The following FOCAD variants were observed in gnomAD, a reference collection of about 807,000 sequenced individuals.
FOCAD encodes the protein focadhesin.
A neutral mutation model predicts 225.6 loss-of-function variants in FOCAD; 198 were observed. The ratio of observed to expected loss-of-function variants is 0.88; its 90% CI spans 0.78 to 0.99. FOCAD has a LOEUF of 0.99. FOCAD is among the 50% of genes least tolerant of loss of function. FOCAD has a pLI of 0.00. For synonymous variants in FOCAD, 897 were observed against 755.0 expected (o/e 1.19, Z -3.08); for missense variants, 2,713 against 2,123.6 (o/e 1.28, Z -5.46).
intron 11 of FOCAD, among the ~76,000 whole-genome samples, chr9:20,812,879 A>C (rs1055171145): frequency 6.6e-6 from 1 of 152,186 alleles, no homozygotes. Context: ...TATGGTAAAC[A>C]CATAACATGA....
chr9:20,702,134 G>C (rs1054549143), intron 1 of FOCAD, among the ~76,000 whole-genome samples: 1 of 151,984 alleles, frequency 6.6e-6, no homozygotes, highest in East Asian at 1.9e-4. Context: ...ATAGGGCATT[G>C]TTCTGTTGCC....
chr9:20,701,821 A>C (rs547112475), intron 1 of FOCAD, among the ~76,000 whole-genome samples: 30 of 152,344 alleles, frequency 2.0e-4, no homozygotes, highest in African/African-American at 7.0e-4. Context: ...TTACCTTTTT[A>C]GGATTGCAGT....
In FOCAD at chr9:20,730,823, C is replaced by A. The variant is rs187835541; in HGVS notation, c.288-9413C>A. Among the ~76,000 whole-genome samples, 451 of 152,154 alleles carry A rather than the reference C, an allele frequency of 3.0e-3. 16 individuals carry two copies. The highest frequency in any genetic ancestry group is 0.027 in the Admixed American group (413 of 15,274). On this transcript the variant is annotated intron_variant, in intron 4 of 43. Coordinates refer to ENST00000338382, the MANE Select transcript of FOCAD (RefSeq NM_001375567.1). ...ATAGCAGTTAAATCTCTGCATACATCTGAATATTTCTCTCTTACTTTTCTT... is the reference window on the plus strand; with the variant it reads ...ATAGCAGTTAAATCTCTGCATACATATGAATATTTCTCTCTTACTTTTCTT...
chr9:20,928,023 C>T (rs983802611), intron 26 of FOCAD: 9 of 151,176 alleles, frequency 6.0e-5, no homozygotes, highest in Non-Finnish European at 7.4e-5. Flanking sequence ...AAGTTAATTG[C>T]TCTATGATGA....
intron 40 of FOCAD, among the ~76,000 whole-genome samples, chr9:20,986,989 A>C (rs1841229213): frequency 6.6e-6 from 1 of 152,174 alleles, no homozygotes; most frequent in African/African-American, 2.4e-5. Context: ...TTTAGACGTT[A>C]TGCTTTAATA....
chr9:20,780,007 G>A, intron 9 of FOCAD, among the ~76,000 whole-genome samples: 1 of 152,108 alleles, frequency 6.6e-6, no homozygotes, highest in East Asian at 1.9e-4. Context: ...GTGCACATGG[G>A]ATCTACCCAA....
At chr9:20,871,347 C>T (rs1829747258) in intron 18 of FOCAD, among the ~76,000 whole-genome samples, 1 of 151,424 alleles carries the variant, frequency 6.6e-6, no homozygotes, top group Admixed American at 6.6e-5. Context: ...CAGTTTTTTT[C>T]TTTTGCGCCA....
intron 1 of FOCAD, among the ~76,000 whole-genome samples, chr9:20,692,401 T>C (rs1010982930): frequency 1.2e-4 from 18 of 152,198 alleles, no homozygotes; most frequent in African/African-American, 3.4e-4. Context: ...CACTACCCAC[T>C]GCTATCACCC....
chr9:20,748,241 A>G (rs532033516), intron 5 of FOCAD, among the ~76,000 whole-genome samples: 1 of 152,222 alleles, frequency 6.6e-6, no homozygotes, highest in African/African-American at 2.4e-5. Flanking sequence ...AGTTATAACA[A>G]CTTACACTCA....
intron 15 of FOCAD, among the ~76,000 whole-genome samples, chr9:20,853,539 T>C (rs562934939): frequency 1.3e-5 from 2 of 151,914 alleles, no homozygotes; most frequent in African/African-American, 4.8e-5. Flanking sequence ...GGGTTGTTAA[T>C]ATGAGAGTAG....
At chr9:20,798,015 T>A (rs1821327621) in intron 11 of FOCAD, among the ~76,000 whole-genome samples, 1 of 152,122 alleles carries the variant, frequency 6.6e-6, no homozygotes, top group Non-Finnish European at 1.5e-5. Flanking sequence ...TTTTTAGATA[T>A]GTCCCATGAA....
chr9:20,969,328 T>A (rs867864492), intron 35 of FOCAD, among the ~76,000 whole-genome samples: 1 of 152,132 alleles, frequency 6.6e-6, no homozygotes, highest in South Asian at 2.1e-4. Flanking sequence ...TATATCCTCA[T>A]TAATCATACG....
intron 21 of FOCAD, among the ~76,000 whole-genome samples, chr9:20,904,306 T>C (rs900459188): frequency 4.6e-5 from 7 of 151,984 alleles, no homozygotes; most frequent in African/African-American, 1.7e-4. Flanking sequence ...ATGGTATTTC[T>C]ATGTTTAGCT....
chr9:20,837,336 T>TA (rs1241901260), intron 15 of FOCAD, among the ~76,000 whole-genome samples: 1 of 152,040 alleles, frequency 6.6e-6, no homozygotes, highest in African/African-American at 2.4e-5. Flanking sequence ...GGGCATTCTT[T>TA]AAAAGATCAA....
intron 15 of FOCAD, among the ~76,000 whole-genome samples, chr9:20,829,953 A>C (rs1249163820): frequency 2.6e-5 from 4 of 152,110 alleles, no homozygotes; most frequent in Non-Finnish European, 5.9e-5. Context: ...TAATTCTTAC[A>C]ATAGAAGAAA....
intron 15 of FOCAD, among the ~76,000 whole-genome samples, chr9:20,825,375 T>C (rs187628227): frequency 4.6e-5 from 7 of 152,208 alleles, no homozygotes; most frequent in Non-Finnish European, 8.8e-5. Context: ...CTAATTGATA[T>C]CATGTGTGAA....
chr9:20,874,170 T>G (rs1830031229), intron 18 of FOCAD: 1 of 152,114 alleles, frequency 6.6e-6, no homozygotes, highest in Admixed American at 6.5e-5. Context: ...CTGCCAAGTC[T>G]TAAAAAAAAA....
At chr9:20,745,493 G>A (rs1827974301) in intron 5 of FOCAD, among the ~76,000 whole-genome samples, 2 of 152,150 alleles carry the variant, frequency 1.3e-5, no homozygotes, top group Admixed American at 6.6e-5. Context: ...TTCATGGGTT[G>A]TAAATTATTA....
chr9:20,933,203 T>A (rs1835651045), intron 28 of FOCAD, 100 bp downstream of exon 28: 1 of 839,804 alleles, frequency 1.2e-6, no homozygotes, highest in Admixed American at 2.3e-5. Flanking sequence ...TATTTTTATT[T>A]TTTATTTCCA....
Sources: gnomAD v4.1 joint callset for allele counts (sites outside exome capture counted in the v4.1 genomes callset) on GRCh38, gnomAD v4.1.1 for gene constraint, MANE v1.5 for transcripts, NCBI Gene and HGNC (gene_info 2026-07-23, HGNC 2026-07-21) for gene names.